CPB2: variants seen among roughly 807,000 people sequenced by gnomAD.
The protein encoded by CPB2 is carboxypeptidase B2.
Under a neutral mutation model 57.0 loss-of-function variants are expected in CPB2, and 54 were observed. That is an observed-to-expected ratio of 0.95 (90% CI 0.76 to 1.19). The LOEUF (loss-of-function observed/expected upper bound fraction) is 1.19. CPB2 is among the 50% of genes most tolerant of loss of function. The pLI is 0.00. For missense variants in CPB2, 426 were observed against 512.0 expected, an observed-to-expected ratio of 0.83 and a Z score of 1.62; for synonymous variants, 189 against 178.1, an observed-to-expected ratio of 1.06 and a Z score of -0.49.
chr13:46,084,825 T>G (rs918023001), intron 2 of CPB2, among the ~76,000 whole-genome samples: 1 of 151,302 alleles, frequency 6.6e-6, no homozygotes, highest in African/African-American at 2.4e-5. Flanking sequence ...CTTAATGTGC[T>G]TTTTATTTAT....
Position 46,105,020 on chromosome 13 carries a change from A to C in CPB2, c.-11T>G, listed in dbSNP as rs754906808. 8.1e-6 allele frequency: 13 copies of C among 1,613,830 alleles called. No homozygotes were observed. The East Asian group carries it at 2.5e-4, about 30-fold the overall frequency. On this transcript the variant is annotated 5_prime_UTR_variant, in exon 1 of 11. Transcript: ENST00000181383. ...GCTGCAAAGCTTCATCCCAACAGCA[A>C]TTTTCTGTACAACAAATTTCTCTGA...
chr13:46,079,993 C>A (rs2045087592), intron 4 of CPB2, among the ~76,000 whole-genome samples: 1 of 152,124 alleles, frequency 6.6e-6, no homozygotes, highest in South Asian at 2.1e-4. Context: ...CTGTGTTACT[C>A]TTCTAGGCAT....
intron 1 of CPB2, among the ~76,000 whole-genome samples, chr13:46,088,210 C>A (rs565169933): frequency 9.9e-4 from 151 of 152,304 alleles, no homozygotes; most frequent in Non-Finnish European, 1.6e-3. Context: ...AGTCCAGCTT[C>A]CTTGACATCC....
chr13:46,085,799 G>A (rs17844190), intron 2 of CPB2, among the ~76,000 whole-genome samples: 5 of 152,162 alleles, frequency 3.3e-5, no homozygotes, highest in Admixed American at 6.5e-5. Flanking sequence ...CCCTGGGGTC[G>A]CTTCACCAGC....
chr13:46,074,135 C>T (rs560947302), intron 5 of CPB2, among the ~76,000 whole-genome samples, 158 bp from the exon 6 acceptor site: 2 of 152,278 alleles, frequency 1.3e-5, no homozygotes. Context: ...AATTTAAACA[C>T]TGGTGATACT....
chr13:46,067,772 T>G (rs1473771711), intron 6 of CPB2, among the ~76,000 whole-genome samples: 1 of 152,268 alleles, frequency 6.6e-6, no homozygotes, highest in Non-Finnish European at 1.5e-5. Context: ...GTAATTCATG[T>G]TCATCAGAGC....
At chr13:46,057,736 G>A (rs2044716287) in intron 9 of CPB2, among the ~76,000 whole-genome samples, 1 of 152,184 alleles carries the variant, frequency 6.6e-6, no homozygotes, top group South Asian at 2.1e-4. Flanking sequence ...GAGGGTTAGG[G>A]AAGTCAGGGC....
chr13:46,104,172 T>C (rs2045467659), intron 1 of CPB2, among the ~76,000 whole-genome samples: 1 of 152,144 alleles, frequency 6.6e-6, no homozygotes, highest in African/African-American at 2.4e-5. Context: ...TTCTTTGTCA[T>C]TTACTAACAT....
intron 1 of CPB2, among the ~76,000 whole-genome samples, chr13:46,091,019 C>A (rs1025152829): frequency 6.6e-6 from 1 of 152,208 alleles, no homozygotes; most frequent in Non-Finnish European, 1.5e-5. Flanking sequence ...CCACCGTGCC[C>A]GGCTGCACAT....
At chr13:46,062,121 C>T (rs941351725) in intron 8 of CPB2, among the ~76,000 whole-genome samples, 1 of 150,428 alleles carries the variant, frequency 6.6e-6, no homozygotes, top group Admixed American at 6.6e-5. Context: ...GCACCATGCC[C>T]AAGAGGGGAC....
intron 1 of CPB2, among the ~76,000 whole-genome samples, chr13:46,091,588 T>C (rs1396055644): frequency 6.6e-6 from 1 of 152,216 alleles, no homozygotes; most frequent in African/African-American, 2.4e-5. Context: ...TTCTATAAGA[T>C]GAGCATATGG....
intron 10 of CPB2, among the ~76,000 whole-genome samples, chr13:46,054,266 A>G (rs2044652877): frequency 2.0e-5 from 3 of 152,122 alleles, no homozygotes; most frequent in African/African-American, 7.2e-5. Context: ...TTTCCTATCA[A>G]TTGTCCTTCC....
intron 2 of CPB2, among the ~76,000 whole-genome samples, chr13:46,086,394 C>T (rs540016891): frequency 6.6e-6 from 1 of 152,240 alleles, no homozygotes; most frequent in Non-Finnish European, 1.5e-5. Context: ...AGAGGAGACT[C>T]GCGGTGGGTA....
chr13:46,100,569 C>T (rs1392814206), intron 1 of CPB2: 3 of 152,160 alleles, frequency 2.0e-5, no homozygotes, highest in Non-Finnish European at 4.4e-5. Flanking sequence ...CCCCTTACCT[C>T]AGCCTAGTAG....
chr13:46,102,574 G>A (rs1325117326), intron 1 of CPB2, among the ~76,000 whole-genome samples: 1 of 119,452 alleles, frequency 8.4e-6, no homozygotes. Context: ...ACAGCTTTAA[G>A]AAAAAGCCAG....
chr13:46,068,661 T>C (rs901697007), intron 6 of CPB2, among the ~76,000 whole-genome samples: 22 of 152,158 alleles, frequency 1.4e-4, no homozygotes, highest in African/African-American at 5.3e-4. Context: ...TCATCTACAT[T>C]AGGTATTTCT....
intron 6 of CPB2, among the ~76,000 whole-genome samples, chr13:46,070,272 C>T (rs937181082): frequency 9.9e-5 from 15 of 152,020 alleles, no homozygotes; most frequent in Non-Finnish European, 2.1e-4. Flanking sequence ...ATTCAGTATT[C>T]GGTAGATTAG....
At chr13:46,101,420 T>C (rs1253340907) in intron 1 of CPB2, 1 of 152,208 alleles carries the variant, frequency 6.6e-6, no homozygotes, top group African/African-American at 2.4e-5. Flanking sequence ...GAGGTGACAT[T>C]CTAATTTCTA....
chr13:46,091,574 T>C (rs2045293039), intron 1 of CPB2, among the ~76,000 whole-genome samples: 3 of 152,246 alleles, frequency 2.0e-5, no homozygotes, highest in Admixed American at 2.0e-4. Flanking sequence ...GGATTTTAAA[T>C]GCTTTCTATA....
Sources: gnomAD v4.1 joint callset for allele counts (sites outside exome capture counted in the v4.1 genomes callset) on GRCh38, gnomAD v4.1.1 for gene constraint, MANE v1.5 for transcripts, NCBI Gene and HGNC (gene_info 2026-07-23, HGNC 2026-07-21) for gene names.